HECW2: variants seen among roughly 807,000 people sequenced by gnomAD.
The protein encoded by HECW2 is HECT, C2 and WW domain containing E3 ubiquitin protein ligase 2.
In HECW2, 61 loss-of-function variants were observed where a neutral mutation model predicts 175.2. The observed-to-expected ratio is 0.35, with a 90% CI of 0.28 to 0.43. HECW2 has a LOEUF of 0.43. HECW2 is among the 20% of genes least tolerant of loss of function. HECW2 has a pLI of 1.00. For missense variants in HECW2, 1,524 were observed against 2,000.5 expected (o/e 0.76, Z 4.54); for synonymous variants, 671 against 731.0 (o/e 0.92, Z 1.32).
intron 17 of HECW2, among the ~76,000 whole-genome samples, chr2:196,262,668 T>A (rs1263064303): frequency 6.6e-6 from 1 of 151,926 alleles, no homozygotes; most frequent in Non-Finnish European, 1.5e-5. Context: ...CGGGTTCAAG[T>A]GATTCTCCTG....
At chr2:196,315,844 T>C (rs1575403586) in intron 10 of HECW2, 1 of 152,182 alleles carries the variant, frequency 6.6e-6, no homozygotes, top group Admixed American at 6.5e-5. Context: ...TGGATGTGGC[T>C]AGGAAGACGT....
chr2:196,480,950 A>G (rs1686822224), intron 1 of HECW2, among the ~76,000 whole-genome samples: 1 of 152,174 alleles, frequency 6.6e-6, no homozygotes, highest in South Asian at 2.1e-4. Flanking sequence ...AATATTTTTG[A>G]CATGAATTAG....
chr2:196,328,346 T>C (rs1348491568), intron 5 of HECW2, among the ~76,000 whole-genome samples: 1 of 152,164 alleles, frequency 6.6e-6, no homozygotes, highest in Non-Finnish European at 1.5e-5. Flanking sequence ...ACCCTGATGG[T>C]TCCTAACAAA....
At chr2:196,497,030 GT>G (rs964279839) in intron 1 of HECW2, among the ~76,000 whole-genome samples, 2 of 152,176 alleles carry the variant, frequency 1.3e-5, no homozygotes, top group African/African-American at 4.8e-5. Context: ...CCCATTCCCA[GT>G]TAATAATCTA....
chr2:196,273,310 GC>G (rs1689818693), intron 16 of HECW2, among the ~76,000 whole-genome samples: 1 of 151,994 alleles, frequency 6.6e-6, no homozygotes, highest in African/African-American at 2.4e-5. Context: ...CTTGTGATCT[GC>G]CCATCTCGGC....
At position 196,586,098 on chromosome 2, in the gene HECW2, T is replaced by C. The variant is rs142718605; in HGVS notation, c.-36+7410A>G. Among the ~76,000 whole-genome samples, 649 of 152,306 alleles carry C rather than the reference T, an allele frequency of 4.3e-3. 3 individuals are homozygous for C. The highest frequency in any genetic ancestry group is 0.014 in the African/African-American group (602 of 41,568). On this transcript the variant is annotated intron_variant, in intron 1 of 28. Coordinates refer to ENST00000644978, the MANE Select transcript of HECW2 (RefSeq NM_001348768.2). ...GTCTAAGTTCTATTACTTTGAGCTC[T>C]TATTCTTCTAGCAGGTCACTGAGAG...
intron 2 of HECW2, among the ~76,000 whole-genome samples, chr2:196,392,993 T>G (rs756679708): frequency 6.6e-6 from 1 of 152,040 alleles, no homozygotes; most frequent in Non-Finnish European, 1.5e-5. Context: ...CCCTCAGAAA[T>G]AATACCACAC....
chr2:196,275,244 C>T (rs1575339281), intron 15 of HECW2, among the ~76,000 whole-genome samples: 2 of 152,104 alleles, frequency 1.3e-5, no homozygotes, highest in South Asian at 4.1e-4. Context: ...ACAGAACAAA[C>T]AGAACAAGCA....
intron 1 of HECW2, among the ~76,000 whole-genome samples, chr2:196,447,013 C>G (rs539565161): frequency 1.3e-5 from 2 of 152,118 alleles, no homozygotes; most frequent in Non-Finnish European, 2.9e-5. Context: ...ATGAGATCCC[C>G]AATGAGGGCA....
At chr2:196,346,842 T>C (rs988858403) in intron 2 of HECW2, among the ~76,000 whole-genome samples, 29 of 151,068 alleles carry the variant, frequency 1.9e-4, no homozygotes, top group African/African-American at 6.1e-4. Context: ...CTACTGAAAA[T>C]ACAGAAAACA....
chr2:196,219,887 A>C (rs1687605552), intron 26 of HECW2, 152 bp downstream of exon 26: 1 of 609,432 alleles, frequency 1.6e-6, no homozygotes, highest in African/African-American at 1.8e-5. Flanking sequence ...AAAGAAGAGA[A>C]TGTACCTTGC....
Position 196,559,386 on chromosome 2 carries a change from C to T in HECW2, c.-36+34122G>A, listed in dbSNP as rs547282297. Among the ~76,000 whole-genome samples, 9 of 152,320 alleles carry T rather than the reference C, an allele frequency of 5.9e-5. No homozygotes were observed. The South Asian group carries it at 1.0e-3, about 18-fold the overall frequency. The stretch of plus-strand genomic sequence containing the variant: ...GGGAGGAGGTTCAATTCCTTCATCA[C>T]CCCCAATATAAGTAAGACATCTAAG... On this transcript the variant is annotated intron_variant, in intron 1 of 28. Coordinates refer to ENST00000644978, the MANE Select transcript of HECW2 (RefSeq NM_001348768.2).
At chr2:196,488,559 T>C (rs1336056834) in intron 1 of HECW2, among the ~76,000 whole-genome samples, 1 of 152,002 alleles carries the variant, frequency 6.6e-6, no homozygotes, top group Admixed American at 6.6e-5. Flanking sequence ...CTATATCTTG[T>C]TAAAATAATA....
At chr2:196,421,255 C>G (rs901020178) in intron 2 of HECW2, among the ~76,000 whole-genome samples, 2 of 152,066 alleles carry the variant, frequency 1.3e-5, no homozygotes, top group African/African-American at 2.4e-5. Flanking sequence ...ATGTAAAAAA[C>G]TCTACATGTA....
At chr2:196,461,320 C>T (rs1696734737) in intron 1 of HECW2, among the ~76,000 whole-genome samples, 1 of 152,170 alleles carries the variant, frequency 6.6e-6, no homozygotes, top group South Asian at 2.1e-4. Flanking sequence ...TACTACTACA[C>T]ACCCATTACT....
chr2:196,500,541 A>G (rs1236480626), intron 1 of HECW2, among the ~76,000 whole-genome samples: 2 of 152,208 alleles, frequency 1.3e-5, no homozygotes, highest in African/African-American at 4.8e-5. Context: ...GTTTCAAAGA[A>G]CAATAAAATT....
intron 16 of HECW2, among the ~76,000 whole-genome samples, chr2:196,271,610 T>C (rs1689740944): frequency 6.6e-6 from 1 of 152,152 alleles, no homozygotes; most frequent in Non-Finnish European, 1.5e-5. Flanking sequence ...CTTTTCAAAA[T>C]CATCTGTTTT....
intron 19 of HECW2, among the ~76,000 whole-genome samples, chr2:196,253,408 T>G (rs759385992): frequency 5.9e-5 from 9 of 152,252 alleles, no homozygotes; most frequent in South Asian, 4.1e-4. Flanking sequence ...TTCAGGCCTA[T>G]CTCTTTCAAA....
At chr2:196,527,332 C>T (rs772965659) in intron 1 of HECW2, among the ~76,000 whole-genome samples, 122 of 152,354 alleles carry the variant, frequency 8.0e-4, no homozygotes, top group Non-Finnish European at 2.9e-4. Flanking sequence ...CGCCCTGCTT[C>T]GGCTCACGCA....
Sources: allele counts gnomAD v4.1 joint callset (sites outside exome capture counted in the v4.1 genomes callset), GRCh38; gene constraint gnomAD v4.1.1; transcripts MANE v1.5; gene names NCBI Gene and HGNC (gene_info 2026-07-23, HGNC 2026-07-21).